CATSPERT: variants seen among roughly 807,000 people sequenced by gnomAD.
CATSPERT encodes cation channel sperm-associated targeting subunit tau.
At chr2:201,525,007 C>T in the CATSPERT span, among the ~76,000 whole-genome samples, 1,766 of 152,266 alleles carry the variant, frequency 0.012, 18 homozygotes, top group Non-Finnish European at 0.02. Flanking sequence ...GATAACCACA[C>T]AAAAACAGTG....
At chr2:201,510,799 C>A in the CATSPERT span, among the ~76,000 whole-genome samples, 1 of 152,072 alleles carries the variant, frequency 6.6e-6, no homozygotes, top group African/African-American at 2.4e-5. Context: ...CTGACATAAC[C>A]TAAGGACCTT....
At chr2:201,522,962 C>T in the CATSPERT span, among the ~76,000 whole-genome samples, 1 of 152,310 alleles carries the variant, frequency 6.6e-6, no homozygotes, top group East Asian at 1.9e-4. Flanking sequence ...CCTCAGATGC[C>T]CAACCGGGGT....
At chr2:201,490,772 C>T in the CATSPERT span, among the ~76,000 whole-genome samples, 5 of 152,106 alleles carry the variant, frequency 3.3e-5, no homozygotes, top group African/African-American at 7.2e-5. Flanking sequence ...CACCCAGGCT[C>T]GAGTGCAGTG....
the CATSPERT span, among the ~76,000 whole-genome samples, chr2:201,582,455 C>T: frequency 6.6e-6 from 1 of 152,094 alleles, no homozygotes; most frequent in East Asian, 1.9e-4. Flanking sequence ...AAATGAAGAT[C>T]TTGCTTATAT....
chr2:201,618,752 G>GA, the CATSPERT span: 4,710 of 379,830 alleles, frequency 0.012, 3 homozygotes, highest in East Asian at 0.014. Context: ...TGCTATAAAC[G>GA]AAAAAAAAAA....
chr2:201,588,269 G>A, the CATSPERT span, among the ~76,000 whole-genome samples: 1 of 152,016 alleles, frequency 6.6e-6, no homozygotes, highest in African/African-American at 2.4e-5. Context: ...ACTGAATTTA[G>A]CAGCAGATCA....
chr2:201,548,286 G>A, the CATSPERT span, among the ~76,000 whole-genome samples: 8 of 152,282 alleles, frequency 5.3e-5, no homozygotes, highest in South Asian at 1.0e-3. Context: ...GGTGAGAGTA[G>A]TCTTCACTGT....
chr2:201,548,467 A>C, the CATSPERT span, among the ~76,000 whole-genome samples: 1 of 152,130 alleles, frequency 6.6e-6, no homozygotes, highest in Admixed American at 6.6e-5. Context: ...CACACTGGGG[A>C]CTAGGATTTT....
the CATSPERT span, among the ~76,000 whole-genome samples, chr2:201,488,481 A>G: frequency 6.6e-6 from 1 of 152,262 alleles, no homozygotes; most frequent in Admixed American, 6.5e-5. Flanking sequence ...AATTGCATGT[A>G]TACTCTGAGT....
chr2:201,594,970 T>C, the CATSPERT span, among the ~76,000 whole-genome samples: 1 of 152,212 alleles, frequency 6.6e-6, no homozygotes, highest in African/African-American at 2.4e-5. Context: ...AGCCTTCTTC[T>C]CTCAGCTCGT....
the CATSPERT span, among the ~76,000 whole-genome samples, chr2:201,591,162 T>C: frequency 6.6e-6 from 1 of 152,192 alleles, no homozygotes. Context: ...GATTTTTGTA[T>C]AAGGTGTAAG....
At chr2:201,529,401 T>C in the CATSPERT span, among the ~76,000 whole-genome samples, 2 of 152,038 alleles carry the variant, frequency 1.3e-5, no homozygotes, top group Admixed American at 6.6e-5. Context: ...CAAAGACACA[T>C]AAACCAATGG....
At chr2:201,513,123 A>G in the CATSPERT span, among the ~76,000 whole-genome samples, 1 of 151,784 alleles carries the variant, frequency 6.6e-6, no homozygotes, top group South Asian at 2.1e-4. Context: ...AAATAAAAAA[A>G]AGAAACTATC....
chr2:201,496,261 G>A, the CATSPERT span, among the ~76,000 whole-genome samples: 1 of 152,120 alleles, frequency 6.6e-6, no homozygotes, highest in Non-Finnish European at 1.5e-5. Flanking sequence ...CAGAAGAAAT[G>A]TAATCTGATT....
At chr2:201,525,432 C>G in the CATSPERT span, among the ~76,000 whole-genome samples, 3 of 151,958 alleles carry the variant, frequency 2.0e-5, no homozygotes, top group Non-Finnish European at 4.4e-5. Flanking sequence ...TAAAACATAC[C>G]AAGATCTCTG....
chr2:201,493,786 G>C, the CATSPERT span: 1 of 1,536,744 alleles, frequency 6.5e-7, no homozygotes, highest in Non-Finnish European at 8.7e-7. Context: ...ACCTGATTTG[G>C]AGTTAGGTAC....
chr2:201,596,219 T>C, the CATSPERT span, among the ~76,000 whole-genome samples: 2 of 152,172 alleles, frequency 1.3e-5, no homozygotes, highest in Admixed American at 1.3e-4. Flanking sequence ...ATGTAGTACA[T>C]ATACACCATG....
the CATSPERT span, among the ~76,000 whole-genome samples, chr2:201,537,982 A>T: frequency 1.3e-5 from 2 of 152,062 alleles, no homozygotes; most frequent in South Asian, 4.1e-4. Context: ...TGCTATGGTC[A>T]CAACTACATG....
At chr2:201,510,328 C>G in the CATSPERT span, among the ~76,000 whole-genome samples, 1 of 143,108 alleles carries the variant, frequency 7.0e-6, no homozygotes, top group Admixed American at 6.7e-5. Flanking sequence ...CCTATAGTCC[C>G]AGCTACTCGG....
Sources: gnomAD v4.1 joint callset for allele counts (sites outside exome capture counted in the v4.1 genomes callset) on GRCh38, gnomAD v4.1.1 for gene constraint, MANE v1.5 for transcripts, NCBI Gene and HGNC (gene_info 2026-07-23, HGNC 2026-07-21) for gene names.